Variants in EPHB3 observed in about 807,000 individuals in gnomAD.
EPHB3 encodes the protein EPH receptor B3, also known as ephrin type-B receptor 3.
EPHB3 carries 33 observed loss-of-function variants against 100.2 expected under a neutral mutation model. The observed-to-expected ratio is 0.33, with a 90% confidence interval of 0.25 to 0.44. EPHB3 has a LOEUF of 0.44. Ranked by LOEUF, EPHB3 falls within the 20% of genes least tolerant of loss-of-function variation. EPHB3 has a pLI of 1.00. For synonymous variants in EPHB3, 526 were observed against 554.7 expected, an observed-to-expected ratio of 0.95 and a Z score of 0.73; for missense variants, 1,045 against 1,378.3, an observed-to-expected ratio of 0.76 and a Z score of 3.83.
At chr3:184,580,684 G>C (rs199964100) in intron 12 of EPHB3, 45 bp from the exon 13 acceptor site, 1 of 1,609,592 alleles carries the variant, frequency 6.2e-7, no homozygotes, top group Non-Finnish European at 8.5e-7. Context: ...GGCCTGGGGG[G>C]CAGCCCGGAG....
chr3:184,577,187 A>C lies in EPHB3; in HGVS notation c.1354+4A>C, dbSNP rs1430885910. ...AATATCACCACAAACCAGGCTGGTGAGGAGGGGACACTGGAGGGTAGGGCC... is the reference window on the plus strand; with the variant it reads ...AATATCACCACAAACCAGGCTGGTGCGGAGGGGACACTGGAGGGTAGGGCC... On this transcript the variant is annotated splice_donor_region_variant and intron_variant, in intron 5 of 15. Transcript: ENST00000330394. The surrounding 1 kb of genome is among the most constrained non-coding windows in gnomAD (Gnocchi z 4.9). The C allele has an allele frequency of 6.3e-7, 1 of 1,590,010 alleles. No homozygotes were observed. Among genetic ancestry groups the C allele is most frequent in the Non-Finnish European group, 8.6e-7 (1 of 1,164,980 alleles).
At chr3:184,580,195 G>C (rs1005923529) in intron 11 of EPHB3, among the ~76,000 whole-genome samples, 2 of 152,228 alleles carry the variant, frequency 1.3e-5, no homozygotes, top group Non-Finnish European at 2.9e-5. Flanking sequence ...AGTGGTAAGA[G>C]CTAGTGGGTC....
chr3:184,571,231 G>A lies in EPHB3; in HGVS notation c.119-87G>A. 3 of 1,378,904 alleles carry A rather than the reference G, an allele frequency of 2.2e-6. No homozygotes were observed. In the Admixed American group the frequency reaches 5.1e-5, roughly 23 times the overall value. 85.4% of individuals were successfully genotyped at this position (1,378,904 alleles called of 1,614,324 possible). A position where few individuals can be genotyped will look rare whatever the true frequency, so the allele number is the denominator to read the frequency against. ...AGACTCCCAAAGTGCTGGGATTACA[G>A]GTGTGAGCCACTTCGCTCATCTGTG... On this transcript the variant is annotated intron_variant, in intron 1 of 15. Coordinates refer to ENST00000330394, the MANE Select transcript of EPHB3 (RefSeq NM_004443.4). This position sits in a 1 kb window ranked among gnomAD's most constrained non-coding sequence, Gnocchi z 5.0.
intron 12 of EPHB3, 46 bp downstream of exon 12, chr3:184,580,663 C>T: frequency 6.2e-7 from 1 of 1,608,992 alleles, no homozygotes. Context: ...GGCCTATCAG[C>T]CAGGGGCTCG....
chr3:184,562,913 T>C lies in EPHB3; in HGVS notation c.118+560T>C, dbSNP rs949939138. 7.2e-5 allele frequency among the ~76,000 whole-genome samples: 11 copies of C among 152,294 alleles called. No homozygotes were observed. Among genetic ancestry groups the C allele is most frequent in the African/African-American group, 2.4e-4 (10 of 41,574 alleles). On this transcript the variant is annotated intron_variant, in intron 1 of 15. Coordinates refer to ENST00000330394, the MANE Select transcript of EPHB3 (RefSeq NM_004443.4). The surrounding 1 kb of genome is among the most constrained non-coding windows in gnomAD (Gnocchi z 4.8). ...TACCGGGCGCCAATTACACCCGAGG[T>C]GCTGTATGGGCGGGCCCCCGCACCC...
At position 184,565,313 on chromosome 3, in the gene EPHB3, A is replaced by G. The variant is rs2108433889; in HGVS notation, c.118+2960A>G. Among the ~76,000 whole-genome samples, 1 of 152,182 alleles carries G rather than the reference A, an allele frequency of 6.6e-6. No homozygotes were observed. The highest frequency in any genetic ancestry group is 2.4e-5 in the African/African-American group (1 of 41,532). Reference sequence around the variant, plus strand: ...TGAGTAATGTTCCCCAGTTCCCCAAAGCCAAGATTATTCTCCCCTCAGGAC... The same window carrying G: ...TGAGTAATGTTCCCCAGTTCCCCAAGGCCAAGATTATTCTCCCCTCAGGAC... On this transcript the variant is annotated intron_variant, in intron 1 of 15. Transcript: ENST00000330394. The surrounding 1 kb of genome is among the most constrained non-coding windows in gnomAD (Gnocchi z 4.8).
Position 184,581,913 on chromosome 3 carries a change from T to G in EPHB3, c.*291T>G. 1 of 327,558 alleles carries G rather than the reference T, an allele frequency of 3.1e-6. No individual in the cohort carries two copies. Among genetic ancestry groups the G allele is most frequent in the Non-Finnish European group, 5.6e-6 (1 of 179,924 alleles). 20.3% of individuals were successfully genotyped at this position (327,558 alleles called of 1,614,324 possible). ...GCAGGGGATCCCCACAACCTCACACTTGTCTGTTCTTCAGTGCTGGAGGTC... is the reference window on the plus strand; with the variant it reads ...GCAGGGGATCCCCACAACCTCACACGTGTCTGTTCTTCAGTGCTGGAGGTC... On this transcript the variant is annotated 3_prime_UTR_variant, in exon 16 of 16. Transcript: ENST00000330394.
Position 184,579,606 on chromosome 3 carries a change from C to A in EPHB3, c.1924+7C>A, listed in dbSNP as rs1018567310. On this transcript the variant is annotated splice_region_variant and intron_variant, in intron 10 of 15. Transcript: ENST00000330394. This position sits in a 1 kb window ranked among gnomAD's most constrained non-coding sequence, Gnocchi z 5.2. Reference sequence around the variant, plus strand: ...GAGGAGGTGATCGGAGCTGGTGAGTCTCCCGGGGCACAGTAGAGATGAGAA... The same window carrying A: ...GAGGAGGTGATCGGAGCTGGTGAGTATCCCGGGGCACAGTAGAGATGAGAA... 5 of 1,613,854 alleles carry A rather than the reference C, an allele frequency of 3.1e-6. No homozygotes were observed. Among genetic ancestry groups the A allele is most frequent in the Non-Finnish European group, 4.2e-6 (5 of 1,179,918 alleles).
intron 1 of EPHB3, among the ~76,000 whole-genome samples, chr3:184,568,450 T>C (rs1288849581): frequency 6.6e-6 from 1 of 152,186 alleles, no homozygotes; most frequent in Non-Finnish European, 1.5e-5. Flanking sequence ...CTTTACCCGC[T>C]GCCCCTCATA....
At chr3:184,567,177 AG>A (rs1004758538) in intron 1 of EPHB3, among the ~76,000 whole-genome samples, 7 of 152,108 alleles carry the variant, frequency 4.6e-5, no homozygotes, top group African/African-American at 1.7e-4. Context: ...ATACCTGGGG[AG>A]GCCGCACCCA....
At chr3:184,580,645 G>C in intron 12 of EPHB3, 28 bp downstream of exon 12, 3 of 1,610,704 alleles carry the variant, frequency 1.9e-6, no homozygotes, top group Non-Finnish European at 2.5e-6. Context: ...GAGGGAGACT[G>C]GGGGCGGGGC....
At chr3:184,570,208 C>T (rs1714505139) in intron 1 of EPHB3, among the ~76,000 whole-genome samples, 1 of 152,170 alleles carries the variant, frequency 6.6e-6, no homozygotes, top group Admixed American at 6.5e-5. Flanking sequence ...GGAAGGCTTC[C>T]TGGAGGAGGC....
Position 184,577,080 on chromosome 3 carries a change from C to T in EPHB3, c.1251C>T (p.Ala417=). ...GGGTCCACATCAGCCATCTGCTGGC[C>T]CACACGCGCTACACCTTTGAGGTGC... ...ERRVHISHLL[A]HTRYTFEVQA... is the part of the protein sequence containing the mutation. The change falls in exon 5 of 16, where the codon GCC becomes GCT. Residue 417 remains alanine (A), a synonymous_variant. Coordinates refer to ENST00000330394, the MANE Select transcript of EPHB3 (RefSeq NM_004443.4). The surrounding 1 kb of genome is among the most constrained non-coding windows in gnomAD (Gnocchi z 4.9). The T allele has an allele frequency of 1.2e-6, 2 of 1,613,616 alleles. No individual in the cohort carries two copies. The highest frequency in any genetic ancestry group is 1.7e-6 in the Non-Finnish European group (2 of 1,179,920).
chr3:184,581,155 G>A lies in EPHB3; in HGVS notation c.2722G>A (p.Ala908Thr), dbSNP rs765545961. ...TGCCAGCCTCAAGGTCATTGCCAGC[G>A]CTCAGTCTGGGTTAGTACCTCTGCC... ...NAASLKVIAS[A>T]QSGMSQPLLD... Residue 908 changes from alanine (A) to threonine (T), a missense_variant, in exon 14 of 16, where the codon GCT becomes ACT. By Grantham distance (58) the Ala-to-Thr change is moderately conservative (BLOSUM62 0). This residue lies in a region of EPHB3 where 985 missense variants were observed against 1,331.1 expected (regional missense o/e 0.74). Transcript: ENST00000330394. The A allele has an allele frequency of 6.2e-6, 10 of 1,613,874 alleles. No individual in the cohort carries two copies. In the African/African-American group the frequency reaches 9.3e-5, roughly 15 times the overall value.
At position 184,561,913 on chromosome 3, in the gene EPHB3, G is replaced by C. The variant is rs149088590; in HGVS notation, c.-323G>C. On this transcript the variant is annotated 5_prime_UTR_variant, in exon 1 of 16. Transcript: ENST00000330394. ...CAGATTACTGTGCATCCCGAATCAC[G>C]ACCACCTGCACCCTCCTGCCCCGGC... 8.3e-4 allele frequency: 128 copies of C among 154,478 alleles called. 1 individual carries two copies. The highest frequency in any genetic ancestry group is 2.6e-4 in the Non-Finnish European group (18 of 69,680). 9.6% of individuals were successfully genotyped at this position (154,478 alleles called of 1,614,324 possible).
In EPHB3 at chr3:184,577,278, A is replaced by C; in HGVS notation, c.1355-65A>C. On this transcript the variant is annotated intron_variant, in intron 5 of 15. Coordinates refer to ENST00000330394, the MANE Select transcript of EPHB3 (RefSeq NM_004443.4). The surrounding 1 kb of genome is among the most constrained non-coding windows in gnomAD (Gnocchi z 4.9). ...AAGGGACCACTGGGGGTCCCATGGG[A>C]AGTGGGTCTTTGGGAAGGATGCCAG... is the stretch of plus-strand genomic sequence containing the variant. 1.3e-6 allele frequency: 2 copies of C among 1,592,816 alleles called. No individual in the cohort carries two copies. The highest frequency in any genetic ancestry group is 1.7e-6 in the Non-Finnish European group (2 of 1,168,528).
intron 14 of EPHB3, 43 bp downstream of exon 14, chr3:184,581,208 T>A (rs1203671873): frequency 6.2e-7 from 1 of 1,606,964 alleles, no homozygotes; most frequent in Middle Eastern, 1.7e-4. Flanking sequence ...AGTAGCCCTA[T>A]CTCCCACCTT....
Position 184,573,262 on chromosome 3 carries a change from T to A in EPHB3, c.856+86T>A. Reference sequence around the variant, plus strand: ...CGCCCCGCCCCCCACCCCTGCTTGCTATCTGACTAGGAGGTCTGGGAGCAG... The same window carrying A: ...CGCCCCGCCCCCCACCCCTGCTTGCAATCTGACTAGGAGGTCTGGGAGCAG... On this transcript the variant is annotated intron_variant, in intron 3 of 15. Transcript: ENST00000330394. The surrounding 1 kb of genome is among the most constrained non-coding windows in gnomAD (Gnocchi z 4.5). The A allele has an allele frequency of 6.5e-7, 1 of 1,542,176 alleles. No homozygotes were observed. Among genetic ancestry groups the A allele is most frequent in the Non-Finnish European group, 8.8e-7 (1 of 1,142,534 alleles).
Position 184,571,337 on chromosome 3 carries a change from A to G in EPHB3, c.138A>G (p.Lys46=), listed in dbSNP as rs779651579. Residue 46 remains lysine (K), a synonymous_variant, in exon 2 of 16, where the codon AAA becomes AAG. Transcript: ENST00000330394. This position sits in a 1 kb window ranked among gnomAD's most constrained non-coding sequence, Gnocchi z 5.0. ...CTCCAGAGACCCTCATGGACACAAA[A>G]TGGGTAACATCTGAGTTGGCGTGGA... ...RALEETLMDT[K]WVTSELAWTS... 9 of 1,614,014 alleles carry G rather than the reference A, an allele frequency of 5.6e-6. No homozygotes were observed. The highest frequency in any genetic ancestry group is 6.8e-6 in the Non-Finnish European group (8 of 1,179,952).
Sources: gnomAD v4.1 joint callset for allele counts (sites outside exome capture counted in the v4.1 genomes callset) on GRCh38, gnomAD v4.1.1 for gene constraint, gnomAD v4.1.1 regional missense constraint, Gnocchi (gnomAD v3.1) non-coding constraint, MANE v1.5 for transcripts, NCBI Gene and HGNC (gene_info 2026-07-23, HGNC 2026-07-21) for gene names.